Variants in ROBO1 observed in about 807,000 individuals in gnomAD.
ROBO1 encodes the protein roundabout guidance receptor 1, also known as roundabout homolog 1.
Under a neutral mutation model 195.9 loss-of-function variants are expected in ROBO1, and 149 were observed. The ratio of observed to expected loss-of-function variants is 0.76; its 90% confidence interval spans 0.67 to 0.87. The LOEUF (loss-of-function observed/expected upper bound fraction) is 0.87, where lower values mean the gene tolerates loss of function less well. ROBO1 is among the 40% of genes least tolerant of loss of function. The probability of loss-of-function intolerance (pLI) is 0.00; values close to 1 mark genes in which losing one functional copy is unlikely to be tolerated. For synonymous variants in ROBO1, 816 were observed against 733.2 expected (o/e 1.11, Z -1.82); for missense variants, 1,933 against 2,068.3 (o/e 0.93, Z 1.27).
At chr3:79,298,874 G>C (rs2109051628) in intron 2 of ROBO1, among the ~76,000 whole-genome samples, 1 of 152,132 alleles carries the variant, frequency 6.6e-6, no homozygotes, top group South Asian at 2.1e-4. Context: ...TTTTTTGAAG[G>C]AGAAAATTAC....
At chr3:79,704,503 T>C (rs1947710813) in intron 1 of ROBO1, among the ~76,000 whole-genome samples, 1 of 152,042 alleles carries the variant, frequency 6.6e-6, no homozygotes, top group African/African-American at 2.4e-5. Context: ...CCTCATGTCT[T>C]TTCCTGACTT....
At chr3:79,299,740 A>G (rs191405643) in intron 2 of ROBO1, among the ~76,000 whole-genome samples, 11 of 152,070 alleles carry the variant, frequency 7.2e-5, no homozygotes, top group Non-Finnish European at 1.5e-4. Context: ...AATCCATCGA[A>G]AAGTTGAAGG....
At chr3:79,639,211 T>C (rs997295735) in intron 1 of ROBO1, among the ~76,000 whole-genome samples, 16 of 152,282 alleles carry the variant, frequency 1.1e-4, no homozygotes, top group African/African-American at 3.6e-4. Context: ...TCTTCCAATA[T>C]GTCACAGTTT....
chr3:79,431,220 T>G (rs1212156141), intron 2 of ROBO1, among the ~76,000 whole-genome samples: 1 of 152,146 alleles, frequency 6.6e-6, no homozygotes, highest in Non-Finnish European at 1.5e-5. Flanking sequence ...CTACAACTAG[T>G]ATCATATACA....
intron 10 of ROBO1, among the ~76,000 whole-genome samples, chr3:78,678,784 C>T (rs181226500): frequency 2.2e-4 from 33 of 152,264 alleles, no homozygotes; most frequent in Admixed American, 2.1e-3. Context: ...GAAACTATTC[C>T]AAACAATAGA....
chr3:78,874,502 AG>A (rs975520242), intron 4 of ROBO1, among the ~76,000 whole-genome samples: 2 of 151,950 alleles, frequency 1.3e-5, no homozygotes, highest in African/African-American at 4.8e-5. Context: ...CATATATTAT[AG>A]TTACAATATG....
At chr3:79,052,638 A>T (rs2078723659) in intron 3 of ROBO1, among the ~76,000 whole-genome samples, 1 of 152,228 alleles carries the variant, frequency 6.6e-6, no homozygotes, top group East Asian at 1.9e-4. Flanking sequence ...ACCCAGCTGT[A>T]AAATTTCTCT....
At chr3:78,639,087 A>G (rs1305943231) in intron 22 of ROBO1, among the ~76,000 whole-genome samples, 1 of 150,218 alleles carries the variant, frequency 6.7e-6, no homozygotes, top group African/African-American at 2.5e-5. Flanking sequence ...CGGAGGTTGC[A>G]GTGAGCTGAG....
chr3:79,125,587 G>T, intron 2 of ROBO1, 48 bp from the exon 3 acceptor site: 1 of 1,432,128 alleles, frequency 7.0e-7, no homozygotes, highest in Non-Finnish European at 9.8e-7. Context: ...AGTAGTAACA[G>T]TAGTTGCCAT....
intron 2 of ROBO1, among the ~76,000 whole-genome samples, chr3:79,349,470 AGATAAATAGAT>A (rs2035258334): frequency 6.6e-6 from 1 of 152,218 alleles, no homozygotes; most frequent in Non-Finnish European, 1.5e-5. Flanking sequence ...TAAAATAGAT[AGATAAATAGAT>A]GATAGATAGA....
intron 2 of ROBO1, among the ~76,000 whole-genome samples, chr3:79,486,368 C>G (rs1181195363): frequency 1.3e-5 from 2 of 152,006 alleles, no homozygotes; most frequent in African/African-American, 4.8e-5. Flanking sequence ...TTTCTTTGCC[C>G]TGCAAGACCT....
intron 3 of ROBO1, among the ~76,000 whole-genome samples, chr3:79,053,468 G>A (rs768448923): frequency 7.2e-5 from 11 of 151,830 alleles, no homozygotes; most frequent in South Asian, 2.1e-4. Flanking sequence ...TTAAACCTCC[G>A]GAGTCAGCTA....
intron 4 of ROBO1, among the ~76,000 whole-genome samples, chr3:78,771,429 A>G (rs1487478065): frequency 6.6e-6 from 1 of 152,190 alleles, no homozygotes; most frequent in African/African-American, 2.4e-5. Context: ...TAGTTCTGTG[A>G]AGAATGACAT....
At chr3:78,955,219 TG>T (rs1367995712) in intron 3 of ROBO1, among the ~76,000 whole-genome samples, 1 of 146,070 alleles carries the variant, frequency 6.8e-6, no homozygotes, top group African/African-American at 2.6e-5. Context: ...CTGTGTGTCA[TG>T]GGGGTTATAC....
intron 3 of ROBO1, among the ~76,000 whole-genome samples, chr3:78,974,182 A>G (rs2076835772): frequency 2.6e-5 from 4 of 152,202 alleles, no homozygotes; most frequent in Non-Finnish European, 5.9e-5. Context: ...ATGGGCCAAT[A>G]TAACAATTTC....
At chr3:79,450,027 T>C (rs1049056890) in intron 2 of ROBO1, among the ~76,000 whole-genome samples, 2 of 152,036 alleles carry the variant, frequency 1.3e-5, no homozygotes, top group African/African-American at 4.8e-5. Flanking sequence ...TCCCCTTAAA[T>C]TTCTTTGCAG....
intron 4 of ROBO1, among the ~76,000 whole-genome samples, chr3:78,750,516 T>G (rs1169409443): frequency 6.7e-6 from 1 of 150,304 alleles, no homozygotes; most frequent in Non-Finnish European, 1.5e-5. Flanking sequence ...AATAAAAAAG[T>G]TCACTAATTG....
chr3:79,323,868 A>T (rs2034093989), intron 2 of ROBO1, among the ~76,000 whole-genome samples: 2 of 152,192 alleles, frequency 1.3e-5, no homozygotes, highest in South Asian at 4.1e-4. Context: ...ACCCAGTAGT[A>T]TAGATGTATG....
At chr3:79,109,951 C>T (rs1290588510) in intron 3 of ROBO1, among the ~76,000 whole-genome samples, 1 of 152,130 alleles carries the variant, frequency 6.6e-6, no homozygotes, top group East Asian at 1.9e-4. Context: ...CTTATACATG[C>T]TGACTTGGCA....
Sources: gnomAD v4.1 joint callset for allele counts (sites outside exome capture counted in the v4.1 genomes callset) on GRCh38, gnomAD v4.1.1 for gene constraint, MANE v1.5 for transcripts, NCBI Gene and HGNC (gene_info 2026-07-23, HGNC 2026-07-21) for gene names.